KATNIP: variants seen among roughly 807,000 people sequenced by gnomAD.
The protein encoded by KATNIP is katanin-interacting protein.
In KATNIP, 126 loss-of-function variants were observed where a neutral mutation model predicts 174.0. The observed-to-expected ratio is 0.72, with a 90% CI of 0.63 to 0.84. The LOEUF (loss-of-function observed/expected upper bound fraction) is 0.84, where lower values mean the gene tolerates loss of function less well. KATNIP is among the 40% of genes least tolerant of loss of function. The pLI, the probability that KATNIP is intolerant of heterozygous loss-of-function variation, is 0.00. For synonymous variants in KATNIP, 810 were observed against 835.7 expected (o/e 0.97, Z 0.53); for missense variants, 1,958 against 2,109.7 (o/e 0.93, Z 1.41).
intron 24 of KATNIP, 105 bp downstream of exon 24, chr16:27,775,189 C>A: frequency 7.2e-7 from 1 of 1,398,196 alleles, no homozygotes; most frequent in Non-Finnish European, 9.7e-7. Context: ...TCAAGTTAAT[C>A]TCAAGCCAAG....
At chr16:27,729,240 C>A (rs906395121) in intron 14 of KATNIP, among the ~76,000 whole-genome samples, 1 of 152,194 alleles carries the variant, frequency 6.6e-6, no homozygotes, top group Non-Finnish European at 1.5e-5. Context: ...TAGCTCTCTT[C>A]TCCTCTGTGC....
At chr16:27,566,599 C>T (rs754493195) in intron 1 of KATNIP, among the ~76,000 whole-genome samples, 3 of 152,080 alleles carry the variant, frequency 2.0e-5, no homozygotes, top group Non-Finnish European at 4.4e-5. Context: ...GAGTGCTCTC[C>T]TTCCTGGACT....
intron 5 of KATNIP, among the ~76,000 whole-genome samples, chr16:27,647,629 C>G (rs991660198): frequency 6.6e-6 from 1 of 152,110 alleles, no homozygotes; most frequent in African/African-American, 2.4e-5. Context: ...CCTCAGCCTC[C>G]TGAGTAGCTG....
chr16:27,773,071 C>T, intron 22 of KATNIP, 28 bp from the exon 23 acceptor site: 2 of 1,347,680 alleles, frequency 1.5e-6, no homozygotes, highest in Non-Finnish European at 2.1e-6. Flanking sequence ...AAAAATTAAG[C>T]CTTCTTTTCC....
At chr16:27,756,025 G>A (rs190288674) in intron 18 of KATNIP, among the ~76,000 whole-genome samples, 123 of 152,262 alleles carry the variant, frequency 8.1e-4, no homozygotes, top group Admixed American at 2.7e-3. Flanking sequence ...AGCACTTCCC[G>A]CCACCAGAGG....
Position 27,778,960 on chromosome 16 carries a change from A to G in KATNIP, c.*331A>G, listed in dbSNP as rs2082602031. 2.3e-5 allele frequency: 6 copies of G among 265,612 alleles called. No homozygotes were observed. The highest frequency in any genetic ancestry group is 1.6e-4 in the Admixed American group (3 of 18,656). The allele number at this position is 265,612 out of a possible 1,614,324, so 16.5% of individuals were successfully genotyped here. On this transcript the variant is annotated 3_prime_UTR_variant, in exon 28 of 28. Coordinates refer to ENST00000261588, the MANE Select transcript of KATNIP (RefSeq NM_015202.5). ...GCTGACCCTGACTCAGAACAGGACA[A>G]TGACGGGGTGGGGAGGCATCCCATC...
At position 27,749,614 on chromosome 16, in the gene KATNIP, G is replaced by C. The variant is rs16976970; in HGVS notation, c.2654G>C (p.Arg885Pro). The change falls in exon 16 of 28, where the codon CGG becomes CCG. Residue 885 changes from arginine (R) to proline (P), a missense_variant. By Grantham distance (103) the Arg-to-Pro change is moderately radical. Around this residue, in one of 3 missense-constraint regions of KATNIP, gnomAD observed 1,557 missense variants for 1,617.8 expected, o/e 0.96. Transcript: ENST00000261588. ...ACCTGGTCTTCCAGGACGCCGTCACGGTCAAGGTGGCGCAGTGAGCAGGAG... is the reference window on the plus strand; with the variant it reads ...ACCTGGTCTTCCAGGACGCCGTCACCGTCAAGGTGGCGCAGTGAGCAGGAG... ...EDTWSSRTPS[R>P]SRWRSEQEHT... 4 of 1,543,038 alleles carry C rather than the reference G, an allele frequency of 2.6e-6. No individual in the cohort carries two copies. In the South Asian group the frequency reaches 5.1e-5, roughly 20 times the overall value.
At chr16:27,601,812 G>A (rs900805682) in intron 2 of KATNIP, among the ~76,000 whole-genome samples, 4 of 152,194 alleles carry the variant, frequency 2.6e-5, no homozygotes, top group African/African-American at 9.6e-5. Context: ...CTCTTCAGGG[G>A]GCCGGCAGCA....
chr16:27,704,030 A>G (rs767126080), intron 12 of KATNIP, 32 bp downstream of exon 12: 2 of 1,551,886 alleles, frequency 1.3e-6, no homozygotes, highest in Non-Finnish European at 1.8e-6. Flanking sequence ...TCAGTTGTAC[A>G]TTCAGGAAGT....
chr16:27,739,805 G>A (rs1435482688), intron 14 of KATNIP, among the ~76,000 whole-genome samples: 2 of 149,456 alleles, frequency 1.3e-5, no homozygotes, highest in African/African-American at 5.1e-5. Context: ...TAATGATGAC[G>A]AAGGCAGCGA....
chr16:27,641,840 A>G (rs931045842), intron 5 of KATNIP, among the ~76,000 whole-genome samples: 1 of 152,196 alleles, frequency 6.6e-6, no homozygotes, highest in Non-Finnish European at 1.5e-5. Context: ...GCCCTAGTCC[A>G]GGCCCCCTTT....
At chr16:27,658,950 A>G (rs565562302) in intron 6 of KATNIP, among the ~76,000 whole-genome samples, 2 of 150,488 alleles carry the variant, frequency 1.3e-5, no homozygotes, top group East Asian at 2.0e-4. Flanking sequence ...TTTTCCCAGT[A>G]GAGACGGGGT....
rs397854747 is a variant in KATNIP at position 27,750,732 on chromosome 16, CTTTTTTT to C, written c.3346+443_3346+449del. Among the ~76,000 whole-genome samples, 4 of 92,108 alleles carry C rather than the reference CTTTTTTT, an allele frequency of 4.3e-5. No individual in the cohort carries two copies. In the East Asian group the frequency reaches 8.3e-4, roughly 19 times the overall value. The allele number at this position is 92,108 out of a possible 152,430, so 60.4% of individuals were successfully genotyped here. ...CAGGCGTGAGCCACCGCGCCCAGCC[CTTTTTTT>C]TTTTTTTTTTTTTTTTGGGTGGGGA... On this transcript the variant is annotated intron_variant, in intron 16 of 27. Transcript: ENST00000261588.
chr16:27,632,265 C>T (rs928062174), intron 5 of KATNIP, among the ~76,000 whole-genome samples: 2 of 152,206 alleles, frequency 1.3e-5, no homozygotes, highest in African/African-American at 2.4e-5. Context: ...AGCCTCCCTC[C>T]CGGGTGGCCA....
intron 8 of KATNIP, among the ~76,000 whole-genome samples, chr16:27,693,985 G>A (rs2078830809): frequency 6.6e-6 from 1 of 152,240 alleles, no homozygotes; most frequent in Non-Finnish European, 1.5e-5. Flanking sequence ...TGGGAGGTAG[G>A]TGGCTTCTAT....
chr16:27,737,885 G>T (rs974990406), intron 14 of KATNIP, among the ~76,000 whole-genome samples: 1 of 152,136 alleles, frequency 6.6e-6, no homozygotes, highest in Non-Finnish European at 1.5e-5. Context: ...AATCAGAATT[G>T]TCCCAGACAA....
At chr16:27,697,187 G>A (rs1025039275) in intron 8 of KATNIP, among the ~76,000 whole-genome samples, 1 of 152,066 alleles carries the variant, frequency 6.6e-6, no homozygotes, top group African/African-American at 2.4e-5. Flanking sequence ...GAGATTGCTG[G>A]GTCAAATGGT....
At chr16:27,769,628 C>T (rs1280403746) in intron 20 of KATNIP, among the ~76,000 whole-genome samples, 2 of 152,214 alleles carry the variant, frequency 1.3e-5, no homozygotes, top group East Asian at 3.9e-4. Context: ...ACGTGCCACC[C>T]CTGAAAGCCG....
Position 27,777,187 on chromosome 16 carries a change from A to G in KATNIP, c.4551+158A>G, listed in dbSNP as rs1236833597. Among the ~76,000 whole-genome samples, 1 of 152,202 alleles carries G rather than the reference A, an allele frequency of 6.6e-6. No individual in the cohort carries two copies. Among genetic ancestry groups the G allele is most frequent in the African/African-American group, 2.4e-5 (1 of 41,462 alleles). On this transcript the variant is annotated intron_variant, in intron 25 of 27. Coordinates refer to ENST00000261588, the MANE Select transcript of KATNIP (RefSeq NM_015202.5). The surrounding 1 kb of genome is among the most constrained non-coding windows in gnomAD (Gnocchi z 4.4). ...ATGCAGGCGAATTTCCCACCCAACC[A>G]TGAATTCAGAACCTGCTGGCAGTGA... is the stretch of plus-strand genomic sequence containing the variant.
Sources: allele counts gnomAD v4.1 joint callset (sites outside exome capture counted in the v4.1 genomes callset), GRCh38; gene constraint gnomAD v4.1.1; regional missense constraint gnomAD v4.1.1; non-coding constraint Gnocchi (gnomAD v3.1); transcripts MANE v1.5; gene names NCBI Gene and HGNC (gene_info 2026-07-23, HGNC 2026-07-21).